The following TENM1 variants were observed in gnomAD, a reference collection of about 807,000 sequenced individuals.
The protein encoded by TENM1 is teneurin-1.
Under a neutral mutation model 174.8 loss-of-function variants are expected in TENM1, and 35 were observed. The ratio of observed to expected loss-of-function variants is 0.20; its 90% CI spans 0.15 to 0.27. The LOEUF (loss-of-function observed/expected upper bound fraction) is 0.27. TENM1 is among the 10% of genes least tolerant of loss of function. TENM1 has a pLI of 1.00. For synonymous variants in TENM1, 781 were observed against 798.7 expected (o/e 0.98, Z 0.37); for missense variants, 1,633 against 2,130.1 (o/e 0.77, Z 4.59).
intron 3 of TENM1, among the ~76,000 whole-genome samples, chrX:124,757,453 G>T (rs934408216): frequency 1.2e-4 from 13 of 112,759 alleles, no homozygotes; most frequent in African/African-American, 3.9e-4. Context: ...TCCCGAGTGA[G>T]GCAATGCCTC....
intron 4 of TENM1, among the ~76,000 whole-genome samples, chrX:124,707,524 A>G (rs1419652307): frequency 2.7e-5 from 3 of 110,836 alleles, no homozygotes; most frequent in Non-Finnish European, 5.7e-5. Context: ...ACTGGACCCA[A>G]CGTGGTGCGG....
intron 3 of TENM1, among the ~76,000 whole-genome samples, chrX:124,861,239 C>A (rs181621344): frequency 8.9e-6 from 1 of 111,917 alleles, no homozygotes; most frequent in Non-Finnish European, 1.9e-5. Context: ...CCTTCCTTAT[C>A]TTTCTGTTTT....
At chrX:124,676,244 A>C (rs2052072374) in intron 5 of TENM1, among the ~76,000 whole-genome samples, 1 of 71,017 alleles carries the variant, frequency 1.4e-5, no homozygotes, top group Non-Finnish European at 2.6e-5. Flanking sequence ...ACTGTTCCCT[A>C]AGACATATAT....
At chrX:124,870,086 C>G (rs1335933857) in intron 3 of TENM1, among the ~76,000 whole-genome samples, 7 of 111,105 alleles carry the variant, frequency 6.3e-5, no homozygotes, top group African/African-American at 2.3e-4. Flanking sequence ...TCTCATGTAC[C>G]CTCTAAATAT....
In TENM1 at chrX:124,421,006, G is replaced by A. The variant is rs149781695; in HGVS notation, c.4472-185C>T. ...TCAAAAGATTGTAATTCTTGAGTCA[G>A]TACCACTGCAGATGAACAGTAAGAT... is the stretch of plus-strand genomic sequence containing the variant. On this transcript the variant is annotated intron_variant, in intron 24 of 31. Transcript: ENST00000422452. Among the ~76,000 whole-genome samples, 255 of 112,286 alleles carry A rather than the reference G, an allele frequency of 2.3e-3. 3 individuals carry two copies. The highest frequency in any genetic ancestry group is 7.9e-3 in the African/African-American group (244 of 30,922).
chrX:124,879,380 T>A (rs772333184), intron 3 of TENM1, among the ~76,000 whole-genome samples: 4 of 112,545 alleles, frequency 3.6e-5, no homozygotes, highest in African/African-American at 1.3e-4. Context: ...TATCATTTTT[T>A]ATTCTGTGTC....
chrX:124,671,981 C>T (rs1226865382), intron 5 of TENM1, 146 bp from the exon 9 acceptor site: 3 of 497,035 alleles, frequency 6.0e-6, no homozygotes, highest in Non-Finnish European at 1.0e-5. Context: ...ATACATCATA[C>T]ATGTAGCTAC....
the TENM1 span, among the ~76,000 whole-genome samples, chrX:125,017,335 C>T: frequency 8.9e-6 from 1 of 111,774 alleles, no homozygotes; most frequent in Non-Finnish European, 1.9e-5. Flanking sequence ...GGCTAATATG[C>T]AAAATCTACA....
At chrX:124,720,101 CAAAAAT>C (rs1303229034) in intron 4 of TENM1, among the ~76,000 whole-genome samples, 1 of 111,289 alleles carries the variant, frequency 9.0e-6, no homozygotes, top group African/African-American at 3.3e-5. Flanking sequence ...AGGTGCAAAC[CAAAAAT>C]AAAATTCGAA....
intron 1 of TENM1, among the ~76,000 whole-genome samples, chrX:124,926,971 G>A (rs900442968): frequency 2.7e-5 from 3 of 111,847 alleles, no homozygotes; most frequent in Non-Finnish European, 5.6e-5. Flanking sequence ...AGTGCTCTGT[G>A]GATTATTCTA....
chrX:124,807,305 G>T (rs112058859), intron 3 of TENM1, among the ~76,000 whole-genome samples: 2 of 111,712 alleles, frequency 1.8e-5, no homozygotes. Flanking sequence ...AGAGCTGTAT[G>T]ATATATGCAA....
intron 21 of TENM1, among the ~76,000 whole-genome samples, chrX:124,486,454 C>T (rs1488827109): frequency 1.8e-5 from 2 of 111,969 alleles, no homozygotes; most frequent in Admixed American, 9.5e-5. Context: ...CAAGGCTGAT[C>T]GTCTGTACTG....
chrX:124,385,628 A>T (rs1298137350), intron 29 of TENM1, 49 bp downstream of exon 32: 1 of 1,126,551 alleles, frequency 8.9e-7, no homozygotes, highest in Non-Finnish European at 1.2e-6. Context: ...AAAATGTCAT[A>T]AGAAAATAGT....
intron 3 of TENM1, among the ~76,000 whole-genome samples, chrX:124,891,724 A>G (rs2057479774): frequency 9.0e-6 from 1 of 111,362 alleles, no homozygotes; most frequent in South Asian, 3.8e-4. Context: ...CTAAAGATAA[A>G]AAAATTAAAT....
intron 1 of TENM1, among the ~76,000 whole-genome samples, chrX:124,917,012 C>A (rs1244959992): frequency 8.9e-6 from 1 of 111,940 alleles, no homozygotes; most frequent in Non-Finnish European, 1.9e-5. Context: ...ACTGATTAGT[C>A]CAGATATTGA....
At chrX:124,772,320 G>C (rs2054673382) in intron 3 of TENM1, among the ~76,000 whole-genome samples, 1 of 111,390 alleles carries the variant, frequency 9.0e-6, no homozygotes, top group African/African-American at 3.3e-5. Flanking sequence ...ATTTTTGGTA[G>C]AGACAGGGTT....
chrX:124,825,304 G>A (rs1320139166), intron 3 of TENM1, among the ~76,000 whole-genome samples: 2 of 104,032 alleles, frequency 1.9e-5, no homozygotes, highest in Non-Finnish European at 3.9e-5. Context: ...CAGGCGCCCA[G>A]CACCACTCCC....
At chrX:124,815,584 A>G (rs1398377116) in intron 3 of TENM1, among the ~76,000 whole-genome samples, 1 of 111,813 alleles carries the variant, frequency 8.9e-6, no homozygotes, top group Non-Finnish European at 1.9e-5. Context: ...GAAGCAAAAC[A>G]GATTCTATTT....
the TENM1 span, among the ~76,000 whole-genome samples, chrX:125,128,676 A>G: frequency 8.9e-6 from 1 of 111,791 alleles, no homozygotes; most frequent in East Asian, 2.8e-4. Flanking sequence ...CAAGACGGAA[A>G]GAGCCTAGGT....
Sources: allele counts gnomAD v4.1 joint callset (sites outside exome capture counted in the v4.1 genomes callset), GRCh38; gene constraint gnomAD v4.1.1; transcripts MANE v1.5; gene names NCBI Gene and HGNC (gene_info 2026-07-23, HGNC 2026-07-21).